The following KAZN variants were observed in gnomAD, a reference collection of about 807,000 sequenced individuals.
The protein encoded by KAZN is kazrin.
Under a neutral mutation model 87.4 loss-of-function variants are expected in KAZN, and 40 were observed. The observed-to-expected ratio is 0.46, with a 90% CI of 0.36 to 0.60. KAZN has a LOEUF of 0.60. Ranked by LOEUF, KAZN falls within the 20% of genes least tolerant of loss-of-function variation. The pLI is 0.00. For missense variants in KAZN, 898 were observed against 1,073.9 expected (o/e 0.84, Z 2.29); for synonymous variants, 466 against 458.3 (o/e 1.02, Z -0.22).
At chr1:13,947,498 G>A (rs539964484) in intron 1 of KAZN, among the ~76,000 whole-genome samples, 16 of 152,090 alleles carry the variant, frequency 1.1e-4, no homozygotes, top group Admixed American at 7.9e-4. Context: ...GGGTGGGGAC[G>A]CAGAGCCAAA....
At chr1:14,639,040 C>T (rs1462635117) in intron 1 of KAZN, among the ~76,000 whole-genome samples, 1 of 152,198 alleles carries the variant, frequency 6.6e-6, no homozygotes, top group East Asian at 1.9e-4. Flanking sequence ...CAATGGGCTG[C>T]AGCCATCCTG....
At chr1:14,622,781 T>A (rs1678817583) in intron 1 of KAZN, among the ~76,000 whole-genome samples, 1 of 152,190 alleles carries the variant, frequency 6.6e-6, no homozygotes, top group Non-Finnish European at 1.5e-5. Context: ...CATTTATCCC[T>A]TCATTCTGAT....
intron 1 of KAZN, among the ~76,000 whole-genome samples, chr1:13,898,189 C>T (rs1639116755): frequency 6.6e-6 from 1 of 152,208 alleles, no homozygotes. Context: ...CAGACTCGAG[C>T]TGGTATTCTT....
chr1:14,152,799 T>C (rs1856742), intron 1 of KAZN, among the ~76,000 whole-genome samples: 72,596 of 152,070 alleles, frequency 0.48, 17,694 homozygotes, highest in African/African-American at 0.57. Flanking sequence ...TAATTTATAT[T>C]CCCATCAATA....
At chr1:14,264,116 G>A (rs1164439733) in intron 2 of KAZN, among the ~76,000 whole-genome samples, 1 of 152,234 alleles carries the variant, frequency 6.6e-6, no homozygotes, top group East Asian at 1.9e-4. Flanking sequence ...GTGTGAGTCA[G>A]CTGGGTCCTC....
upstream of KAZN, among the ~76,000 whole-genome samples, chr1:14,595,456 T>G (rs1423786078): frequency 5.9e-5 from 9 of 151,932 alleles, 1 homozygote; most frequent in Admixed American, 3.9e-4. Flanking sequence ...GGCAGGTGGA[T>G]TGCTTGAGGT....
At chr1:14,169,080 G>A (rs1645894327) in intron 1 of KAZN, among the ~76,000 whole-genome samples, 1 of 152,154 alleles carries the variant, frequency 6.6e-6, no homozygotes, top group Non-Finnish European at 1.5e-5. Context: ...GACATCAGCT[G>A]TGGGACTCGT....
chr1:14,515,709 G>A (rs764013008), intron 2 of KAZN, among the ~76,000 whole-genome samples: 8 of 152,054 alleles, frequency 5.3e-5, no homozygotes, highest in Non-Finnish European at 1.2e-4. Context: ...TCAAGTCTTA[G>A]CCACTACCAC....
intron 2 of KAZN, among the ~76,000 whole-genome samples, chr1:14,568,640 G>A (rs1674679376): frequency 1.3e-5 from 2 of 152,118 alleles, no homozygotes; most frequent in African/African-American, 2.4e-5. Flanking sequence ...AACACATGGG[G>A]ATTCTTACAA....
intron 1 of KAZN, among the ~76,000 whole-genome samples, chr1:14,642,742 C>A (rs1227999170): frequency 1.3e-5 from 2 of 152,116 alleles, no homozygotes; most frequent in African/African-American, 2.4e-5. Flanking sequence ...GATTGATATG[C>A]TAATTATTCT....
intron 1 of KAZN, among the ~76,000 whole-genome samples, chr1:14,789,378 C>G (rs1377035672): frequency 2.6e-5 from 4 of 152,202 alleles, no homozygotes; most frequent in African/African-American, 9.6e-5. Flanking sequence ...AGACCCTCCT[C>G]ACTTTTCCAG....
At chr1:14,756,457 C>T (rs543204957) in intron 1 of KAZN, among the ~76,000 whole-genome samples, 3 of 152,308 alleles carry the variant, frequency 2.0e-5, no homozygotes, top group East Asian at 1.9e-4. Context: ...CACATCTCTG[C>T]GGATGAGCAG....
At chr1:14,309,229 A>G (rs932165145) in intron 2 of KAZN, among the ~76,000 whole-genome samples, 22 of 152,344 alleles carry the variant, frequency 1.4e-4, no homozygotes, top group Admixed American at 7.8e-4. Context: ...AAAAAAATTG[A>G]TGGTTAGATT....
At chr1:14,825,035 C>T (rs143671867) in intron 1 of KAZN, among the ~76,000 whole-genome samples, 2 of 152,384 alleles carry the variant, frequency 1.3e-5, no homozygotes, top group African/African-American at 4.8e-5. Flanking sequence ...GTGCTCACAG[C>T]GCATCCCCCT....
chr1:14,626,985 T>C (rs1679190433), intron 1 of KAZN, among the ~76,000 whole-genome samples: 1 of 152,064 alleles, frequency 6.6e-6, no homozygotes, highest in African/African-American at 2.4e-5. Flanking sequence ...ACCAGGACAC[T>C]CGGTAAATAT....
In KAZN at chr1:15,117,526, T is replaced by A. The variant is rs1246701230; in HGVS notation, c.*2891T>A. On this transcript the variant is annotated 3_prime_UTR_variant, in exon 15 of 15. Coordinates refer to ENST00000376030, the MANE Select transcript of KAZN (RefSeq NM_201628.3). Reference sequence around the variant, plus strand: ...AAGCCACACAACAATCTGGACCCAATAAAGTGGAGAGAAGGGCGTCTCTAC... The same window carrying A: ...AAGCCACACAACAATCTGGACCCAAAAAAGTGGAGAGAAGGGCGTCTCTAC... 1 of 152,160 alleles carries A rather than the reference T, an allele frequency of 6.6e-6. No homozygotes were observed. The highest frequency in any genetic ancestry group is 6.5e-5 in the Admixed American group (1 of 15,270). The allele number at this position is 152,160 out of a possible 1,614,324, so 9.4% of individuals were successfully genotyped here.
At chr1:14,146,876 G>T (rs1373221721) in intron 1 of KAZN, among the ~76,000 whole-genome samples, 3 of 151,848 alleles carry the variant, frequency 2.0e-5, no homozygotes, top group Non-Finnish European at 4.4e-5. Context: ...GGGAGATATG[G>T]TTGATCCTTG....
At chr1:14,888,026 G>A (rs552359620) in intron 1 of KAZN, among the ~76,000 whole-genome samples, 24 of 152,174 alleles carry the variant, frequency 1.6e-4, no homozygotes, top group Middle Eastern at 3.4e-3. Flanking sequence ...AGCCTCTCTC[G>A]GTGATAATGG....
chr1:14,318,848 C>CTTTGCAT (rs142440535), intron 2 of KAZN, among the ~76,000 whole-genome samples: 3,639 of 151,918 alleles, frequency 0.024, 157 homozygotes, highest in African/African-American at 0.083. Context: ...AGATGTTATA[C>CTTTGCAT]GTCTAGAGAC....
Sources: gnomAD v4.1 joint callset for allele counts (sites outside exome capture counted in the v4.1 genomes callset) on GRCh38, gnomAD v4.1.1 for gene constraint, MANE v1.5 for transcripts, NCBI Gene and HGNC (gene_info 2026-07-23, HGNC 2026-07-21) for gene names.